The following LITAF variants were observed in gnomAD, a reference collection of about 807,000 sequenced individuals.
The protein encoded by LITAF is lipopolysaccharide induced TNF factor, also known as lipopolysaccharide-induced tumor necrosis factor-alpha factor.
Under a neutral mutation model 14.5 loss-of-function variants are expected in LITAF, and 9 were observed. That is an observed-to-expected ratio of 0.62 (90% CI 0.37 to 1.08). The LOEUF is 1.08. Among genes scored for constraint, LITAF ranks in the 50% least tolerant of loss-of-function variants. The probability of loss-of-function intolerance (pLI) is 0.01; values close to 1 mark genes in which losing one functional copy is unlikely to be tolerated. For missense variants in LITAF, 206 were observed against 213.4 expected, an observed-to-expected ratio of 0.97 and a Z score of 0.22; for synonymous variants, 98 against 88.2, an observed-to-expected ratio of 1.11 and a Z score of -0.62.
chr16:11,567,868 C>T (rs527691734), intron 1 of LITAF, among the ~76,000 whole-genome samples: 6 of 152,172 alleles, frequency 3.9e-5, no homozygotes, highest in African/African-American at 1.4e-4. Flanking sequence ...CCTGTAATCC[C>T]AGCTATGTGG....
chr16:11,573,858 C>T (rs190872000), intron 1 of LITAF, among the ~76,000 whole-genome samples: 64 of 151,818 alleles, frequency 4.2e-4, no homozygotes, highest in Non-Finnish European at 8.4e-4. Context: ...CCCACCACCA[C>T]ACCCAGCTAA....
At chr16:11,610,302 C>A (rs186378040) in intron 3 of LITAF, among the ~76,000 whole-genome samples, 6 of 152,216 alleles carry the variant, frequency 3.9e-5, no homozygotes, top group African/African-American at 7.2e-5. Flanking sequence ...CCCGCAGGCT[C>A]CAGGCCAAGA....
chr16:11,625,079 C>A (rs2065075587), intron 3 of LITAF, among the ~76,000 whole-genome samples: 1 of 152,110 alleles, frequency 6.6e-6, no homozygotes, highest in Non-Finnish European at 1.5e-5. Context: ...GCTGTGCCAA[C>A]TCATTGAAGC....
intron 1 of LITAF, among the ~76,000 whole-genome samples, chr16:11,573,161 C>T (rs1157081545): frequency 2.0e-5 from 3 of 152,050 alleles, no homozygotes; most frequent in Non-Finnish European, 4.4e-5. Flanking sequence ...AACTCCTGAC[C>T]TCAAGCGATC....
chr16:11,569,163 C>T, intron 1 of LITAF, among the ~76,000 whole-genome samples: 1 of 152,154 alleles, frequency 6.6e-6, no homozygotes. Flanking sequence ...AGAATCCCAT[C>T]AGAAATTGGC....
At chr16:11,576,524 T>C (rs2064636731) in intron 1 of LITAF, among the ~76,000 whole-genome samples, 1 of 111,536 alleles carries the variant, frequency 9.0e-6, no homozygotes, top group Admixed American at 9.2e-5. Flanking sequence ...CTCTCCTTTC[T>C]TACAATCTGC....
At chr16:11,611,334 C>A (rs1045912294) in intron 3 of LITAF, among the ~76,000 whole-genome samples, 2 of 152,122 alleles carry the variant, frequency 1.3e-5, no homozygotes, top group African/African-American at 2.4e-5. Flanking sequence ...CAGAACGAGA[C>A]CCTGTCTGCA....
intron 1 of LITAF, among the ~76,000 whole-genome samples, chr16:11,577,272 A>G (rs1261672476): frequency 6.6e-6 from 1 of 150,412 alleles, no homozygotes; most frequent in Non-Finnish European, 1.5e-5. Flanking sequence ...CATCTATCCC[A>G]TCTATGACAG....
At chr16:11,639,947 G>C (rs1016847046), upstream of LITAF, among the ~76,000 whole-genome samples, 1 of 152,148 alleles carries the variant, frequency 6.6e-6, no homozygotes, top group Non-Finnish European at 1.5e-5. Flanking sequence ...GATAATTTTT[G>C]TATGTTTCGC....
rs550518543 is a variant in LITAF at position 11,619,048 on chromosome 16, C to A, written c.85+14485G>T. On this transcript the variant is annotated intron_variant, in intron 3 of 3. Coordinates refer to the LITAF transcript ENST00000574848. The stretch of plus-strand genomic sequence containing the variant: ...AGCACTGCCCGGGCACGGTGGCTTA[C>A]GCCTGTAATCCCAGCACTTTGGGAG... 7.3e-5 allele frequency among the ~76,000 whole-genome samples: 11 copies of A among 150,856 alleles called. No homozygotes were observed. In the East Asian group the frequency reaches 2.2e-3, roughly 29 times the overall value.
chr16:11,610,692 G>A (rs2064977742), intron 3 of LITAF, among the ~76,000 whole-genome samples: 1 of 152,188 alleles, frequency 6.6e-6, no homozygotes, highest in African/African-American at 2.4e-5. Flanking sequence ...AAACAGGGTT[G>A]CTGTGTTGGG....
At chr16:11,604,707 G>T (rs1212268228) in intron 3 of LITAF, among the ~76,000 whole-genome samples, 2 of 148,684 alleles carry the variant, frequency 1.3e-5, no homozygotes, top group Non-Finnish European at 3.0e-5. Context: ...CACCTGGATG[G>T]TTCCCTATTA....
At chr16:11,585,543 G>A (rs375801274) in intron 1 of LITAF, among the ~76,000 whole-genome samples, 2 of 152,236 alleles carry the variant, frequency 1.3e-5, no homozygotes, top group South Asian at 4.1e-4. Flanking sequence ...TGCTCCAACT[G>A]ATAAAACCAA....
rs1355396064 is a variant in LITAF, at chr16:11,548,105, T to C, written c.*1532A>G. 1 of 453,996 alleles carries C rather than the reference T, an allele frequency of 2.2e-6. No individual in the cohort carries two copies. The highest frequency in any genetic ancestry group is 2.0e-5 in the African/African-American group (1 of 50,016). The allele number at this position is 453,996 out of a possible 1,614,324, so 28.1% of individuals were successfully genotyped here. On this transcript the variant is annotated 3_prime_UTR_variant, in exon 4 of 4. Coordinates refer to ENST00000622633, the MANE Select transcript of LITAF (RefSeq NM_001136472.2). ...GATAATTACTGGAATTTTCCAAACA[T>C]CAAATGAAGGGGGATCAATGGTTAC...
rs554636446 is a variant in LITAF at position 11,605,471 on chromosome 16, G to A, written c.85+28062C>T. Among the ~76,000 whole-genome samples the A allele has an allele frequency of 3.6e-4, 55 of 152,244 alleles. No homozygotes were observed. Among genetic ancestry groups the A allele is most frequent in the Admixed American group, 4.6e-4 (7 of 15,288 alleles). On this transcript the variant is annotated intron_variant, in intron 3 of 3. Transcript: ENST00000574848. This position sits in a 1 kb window ranked among gnomAD's most constrained non-coding sequence, Gnocchi z 4.7. ...GTGTGGGGGACCCCTTCCCAGCCCCGTGTCTCTCTTTACAGCCCAGAGCCG... is the reference window on the plus strand; with the variant it reads ...GTGTGGGGGACCCCTTCCCAGCCCCATGTCTCTCTTTACAGCCCAGAGCCG...
upstream of LITAF, among the ~76,000 whole-genome samples, chr16:11,588,822 C>A (rs1229692552): frequency 6.6e-6 from 1 of 151,926 alleles, no homozygotes; most frequent in Non-Finnish European, 1.5e-5. Context: ...TCCTTCCTTC[C>A]TTTCTGTCTC....
At chr16:11,613,445 A>T (rs1242133412) in intron 3 of LITAF, among the ~76,000 whole-genome samples, 1 of 152,168 alleles carries the variant, frequency 6.6e-6, no homozygotes, top group Non-Finnish European at 1.5e-5. Flanking sequence ...CAATTCAGAC[A>T]CAGCTGGGTC....
upstream of LITAF, among the ~76,000 whole-genome samples, chr16:11,602,310 C>G (rs1398293004): frequency 2.0e-5 from 3 of 152,238 alleles, no homozygotes; most frequent in Admixed American, 2.0e-4. Context: ...GAGCTGAGAT[C>G]GCACCACTGC....
chr16:11,560,622 A>G (rs2064346600), intron 1 of LITAF, among the ~76,000 whole-genome samples: 1 of 151,680 alleles, frequency 6.6e-6, no homozygotes, highest in East Asian at 1.9e-4. Context: ...ATTTTAAATG[A>G]TGTAATGAAG....
Sources: allele counts gnomAD v4.1 joint callset (sites outside exome capture counted in the v4.1 genomes callset), GRCh38; gene constraint gnomAD v4.1.1; non-coding constraint Gnocchi (gnomAD v3.1); transcripts MANE v1.5; gene names NCBI Gene and HGNC (gene_info 2026-07-23, HGNC 2026-07-21).